NDUFA10: variants seen among roughly 807,000 people sequenced by gnomAD.
NDUFA10 encodes NADH:ubiquinone oxidoreductase subunit A10.
NDUFA10 carries 40 observed loss-of-function variants against 47.8 expected under a neutral mutation model. The observed-to-expected ratio is 0.84, with a 90% CI of 0.65 to 1.09. The LOEUF (loss-of-function observed/expected upper bound fraction) is 1.09. Among genes scored for constraint, NDUFA10 ranks in the 50% least tolerant of loss-of-function variants. NDUFA10 has a pLI of 0.00. For missense variants in NDUFA10, 413 were observed against 451.1 expected, an observed-to-expected ratio of 0.92 and a Z score of 0.76; for synonymous variants, 183 against 172.2, an observed-to-expected ratio of 1.06 and a Z score of -0.49.
rs992771043 is a variant in NDUFA10, at chr2:239,990,243, T to A, written c.891-61A>T. ...ATCAAAATAAATACAATAAAAGAAGTGTAAGTCCGATTTTTTTTAAACATC... is the reference window on the plus strand; with the variant it reads ...ATCAAAATAAATACAATAAAAGAAGAGTAAGTCCGATTTTTTTTAAACATC... On this transcript the variant is annotated intron_variant, in intron 8 of 9. Coordinates refer to ENST00000252711, the MANE Select transcript of NDUFA10 (RefSeq NM_004544.4). 10 of 1,365,140 alleles carry A rather than the reference T, an allele frequency of 7.3e-6. No individual in the cohort carries two copies. The East Asian group carries it at 2.3e-4, about 31-fold the overall frequency. 84.6% of individuals were successfully genotyped at this position (1,365,140 alleles called of 1,614,324 possible).
In NDUFA10 at chr2:239,915,557, T is replaced by G. The variant is rs374900493; in HGVS notation, c.295-20243A>C. Among the ~76,000 whole-genome samples, 41 of 109,334 alleles carry G rather than the reference T, an allele frequency of 3.7e-4. 2 individuals are homozygous for G. In the East Asian group the frequency reaches 7.8e-3, roughly 21 times the overall value. 71.7% of individuals were successfully genotyped at this position (109,334 alleles called of 152,430 possible). A position where few individuals can be genotyped will look rare whatever the true frequency, so the allele number is the denominator to read the frequency against. ...CAAACATACACAGAGAACACACACA[T>G]ACACAGACACAAATATACAGACACA... On this transcript the variant is annotated intron_variant, in intron 4 of 5. Coordinates refer to the NDUFA10 transcript ENST00000419408.
rs1267638461 is a variant in NDUFA10 at position 239,960,720 on chromosome 2, T to A, written c.*398A>T. The A allele has an allele frequency of 1.7e-6, 2 of 1,182,734 alleles. No homozygotes were observed. Among genetic ancestry groups the A allele is most frequent in the Non-Finnish European group, 2.1e-6 (2 of 939,904 alleles). 73.3% of individuals were successfully genotyped at this position (1,182,734 alleles called of 1,614,324 possible). A position where few individuals can be genotyped will look rare whatever the true frequency, so the allele number is the denominator to read the frequency against. ...CAGTTTCGACGTGCCCGCACGCACATAGACGTACGATGGGGAAATTCCCAT... is the reference window on the plus strand; with the variant it reads ...CAGTTTCGACGTGCCCGCACGCACAAAGACGTACGATGGGGAAATTCCCAT... On this transcript the variant is annotated 3_prime_UTR_variant, in exon 10 of 10. Coordinates refer to ENST00000252711, the MANE Select transcript of NDUFA10 (RefSeq NM_004544.4).
At chr2:239,938,930 G>A (rs921250333) in intron 4 of NDUFA10, among the ~76,000 whole-genome samples, 2 of 152,196 alleles carry the variant, frequency 1.3e-5, no homozygotes, top group South Asian at 2.1e-4. Context: ...CTGTTTAGCC[G>A]TTGAGTTGGA....
At chr2:239,932,069 C>T (rs1156406153) in intron 4 of NDUFA10, among the ~76,000 whole-genome samples, 3 of 151,962 alleles carry the variant, frequency 2.0e-5, no homozygotes, top group African/African-American at 7.3e-5. Context: ...CTCCTGACCT[C>T]GTGATCCACC....
intron 9 of NDUFA10, among the ~76,000 whole-genome samples, chr2:239,984,708 G>A (rs1038659271): frequency 1.3e-5 from 2 of 152,212 alleles, no homozygotes; most frequent in African/African-American, 4.8e-5. Flanking sequence ...GCAACATCAG[G>A]CTGTAAAGGC....
At chr2:239,913,202 T>C (rs1478190129) in intron 4 of NDUFA10, among the ~76,000 whole-genome samples, 1 of 152,224 alleles carries the variant, frequency 6.6e-6, no homozygotes, top group African/African-American at 2.4e-5. Context: ...CTGCCCTCTG[T>C]GGGGCTGTAC....
chr2:240,000,276 C>A (rs1015730061), intron 8 of NDUFA10, among the ~76,000 whole-genome samples: 1 of 151,908 alleles, frequency 6.6e-6, no homozygotes, highest in African/African-American at 2.4e-5. Flanking sequence ...GACAGCTCCA[C>A]GCGTGTTACT....
chr2:239,905,788 G>T (rs1281075430), intron 4 of NDUFA10, among the ~76,000 whole-genome samples: 1 of 143,416 alleles, frequency 7.0e-6, no homozygotes, highest in African/African-American at 2.6e-5. Flanking sequence ...TGAAGAAGAA[G>T]AAGCGGGGAG....
intron 4 of NDUFA10, among the ~76,000 whole-genome samples, chr2:239,905,799 A>AGGAGG (rs145133457): frequency 0.15 from 17,057 of 110,360 alleles, 1,423 homozygotes; most frequent in Non-Finnish European, 0.17. Context: ...AAGCGGGGAG[A>AGGAGG]GGAGGGGAGG....
intron 4 of NDUFA10, among the ~76,000 whole-genome samples, chr2:239,934,308 G>C (rs1694225012): frequency 6.6e-6 from 1 of 152,132 alleles, no homozygotes; most frequent in African/African-American, 2.4e-5. Context: ...TGTTGGGAGG[G>C]AGTGGGGGGC....
At chr2:239,991,223 G>A (rs937227038) in intron 8 of NDUFA10, among the ~76,000 whole-genome samples, 4 of 152,098 alleles carry the variant, frequency 2.6e-5, no homozygotes, top group Admixed American at 1.3e-4. Context: ...ACAGAGCTGC[G>A]AACCTGCGGC....
In NDUFA10 at chr2:240,005,393, G is replaced by C. The variant is rs186906376; in HGVS notation, c.805-98C>G. ...AGACAGGGTCCGGCTCTATCATCCA[G>C]GCTGGAAAGTAGTGGCACAATCACA... On this transcript the variant is annotated intron_variant, in intron 7 of 9. Transcript: ENST00000252711. The C allele has an allele frequency of 1.0e-5, 10 of 979,326 alleles. No homozygotes were observed. The East Asian group carries it at 2.3e-4, about 22-fold the overall frequency. The allele number at this position is 979,326 out of a possible 1,614,324, so 60.7% of individuals were successfully genotyped here.
chr2:239,940,940 C>T (rs1694350598), intron 4 of NDUFA10, among the ~76,000 whole-genome samples: 1 of 152,324 alleles, frequency 6.6e-6, no homozygotes, highest in Non-Finnish European at 1.5e-5. Context: ...GAGGAGTGTC[C>T]TCTAGGCAAT....
intron 9 of NDUFA10, among the ~76,000 whole-genome samples, chr2:239,974,234 G>A (rs988152562): frequency 3.3e-5 from 5 of 152,158 alleles, no homozygotes; most frequent in East Asian, 1.9e-4. Flanking sequence ...CAATGAAAAC[G>A]CTGTTTTAGA....
intron 4 of NDUFA10, among the ~76,000 whole-genome samples, chr2:239,919,395 C>A (rs74004857): frequency 6.6e-6 from 1 of 151,124 alleles, no homozygotes; most frequent in African/African-American, 2.4e-5. Context: ...CTCGACTAGC[C>A]TACTTCTGTC....
chr2:239,994,803 G>C (rs1306440164), intron 8 of NDUFA10, among the ~76,000 whole-genome samples: 1 of 152,046 alleles, frequency 6.6e-6, no homozygotes, highest in African/African-American at 2.4e-5. Flanking sequence ...ACAAATATAG[G>C]CATCTAGTCC....
Position 240,016,470 on chromosome 2 carries a change from G to T in NDUFA10, c.548-1610C>A, listed in dbSNP as rs1697352645. Among the ~76,000 whole-genome samples, 1 of 152,124 alleles carries T rather than the reference G, an allele frequency of 6.6e-6. No homozygotes were observed. The highest frequency in any genetic ancestry group is 6.5e-5 in the Admixed American group (1 of 15,276). ...ACCTGTCCTTTAGCCAACATGATCT[G>T]CTTTCCCCCAGCCCAGCACTCAAAC... On this transcript the variant is annotated intron_variant, in intron 4 of 9. Coordinates refer to ENST00000252711, the MANE Select transcript of NDUFA10 (RefSeq NM_004544.4). This position sits in a 1 kb window ranked among gnomAD's most constrained non-coding sequence, Gnocchi z 4.4.
intron 9 of NDUFA10, among the ~76,000 whole-genome samples, chr2:239,963,606 A>C (rs1333254935): frequency 1.3e-5 from 2 of 152,186 alleles, no homozygotes; most frequent in Non-Finnish European, 2.9e-5. Context: ...AGGGAAGGTA[A>C]GTGTCCGGTC....
At chr2:239,924,286 C>T (rs1321464596) in intron 4 of NDUFA10, among the ~76,000 whole-genome samples, 1 of 151,862 alleles carries the variant, frequency 6.6e-6, no homozygotes, top group Non-Finnish European at 1.5e-5. Flanking sequence ...TAGATACAAA[C>T]ATCCCCAGCA....
Sources: allele counts gnomAD v4.1 joint callset (sites outside exome capture counted in the v4.1 genomes callset), GRCh38; gene constraint gnomAD v4.1.1; non-coding constraint Gnocchi (gnomAD v3.1); transcripts MANE v1.5; gene names NCBI Gene and HGNC (gene_info 2026-07-23, HGNC 2026-07-21).